NIBAN1: variants seen among roughly 807,000 people sequenced by gnomAD.
NIBAN1 encodes the protein niban apoptosis regulator 1.
In NIBAN1, 81 loss-of-function variants were observed where a neutral mutation model predicts 75.1. The ratio of observed to expected loss-of-function variants is 1.08; its 90% CI spans 0.90 to 1.30. The LOEUF (loss-of-function observed/expected upper bound fraction) is 1.30, where lower values mean the gene tolerates loss of function less well. Ranked by LOEUF, NIBAN1 falls within the 50% of genes most tolerant of loss-of-function variation. NIBAN1 has a pLI of 0.00. For missense variants in NIBAN1, 1,133 were observed against 1,128.1 expected (o/e 1.00, Z -0.06); for synonymous variants, 436 against 424.8 (o/e 1.03, Z -0.32).
chr1:184,827,668 T>C (rs542972175), intron 6 of NIBAN1, among the ~76,000 whole-genome samples: 2 of 149,168 alleles, frequency 1.3e-5, no homozygotes, highest in South Asian at 2.1e-4. Context: ...AAACTAAGCA[T>C]GTCACTAGGT....
At chr1:184,924,447 A>G (rs1246107422) in intron 1 of NIBAN1, among the ~76,000 whole-genome samples, 2 of 152,190 alleles carry the variant, frequency 1.3e-5, no homozygotes, top group African/African-American at 4.8e-5. Flanking sequence ...TCAATTTACT[A>G]GTATTTTGTT....
At chr1:184,818,112 T>G (rs1467598733) in intron 9 of NIBAN1, among the ~76,000 whole-genome samples, 2 of 152,236 alleles carry the variant, frequency 1.3e-5, no homozygotes, top group Admixed American at 6.5e-5. Flanking sequence ...ATTAAACTCC[T>G]TTAGATTTAA....
intron 1 of NIBAN1, among the ~76,000 whole-genome samples, chr1:184,905,720 A>G (rs1460990674): frequency 7.9e-5 from 12 of 152,184 alleles, no homozygotes; most frequent in Non-Finnish European, 1.5e-5. Context: ...TTCTCCCAAG[A>G]TTGTGTACCA....
At chr1:184,968,514 C>A (rs1658856692) in intron 1 of NIBAN1, among the ~76,000 whole-genome samples, 1 of 152,144 alleles carries the variant, frequency 6.6e-6, no homozygotes. Flanking sequence ...TCTCCTGTTT[C>A]CTCCATCCCC....
chr1:184,918,142 C>G (rs185067000), intron 1 of NIBAN1, among the ~76,000 whole-genome samples: 2 of 152,310 alleles, frequency 1.3e-5, no homozygotes, highest in African/African-American at 4.8e-5. Context: ...TCACCATCAC[C>G]TGGGTGCCTG....
chr1:184,853,496 C>G (rs1429883577), intron 5 of NIBAN1, among the ~76,000 whole-genome samples: 1 of 152,202 alleles, frequency 6.6e-6, no homozygotes, highest in Non-Finnish European at 1.5e-5. Flanking sequence ...TCAAATGAGT[C>G]TGATGTTCCA....
chr1:184,959,792 A>G (rs1658582151), intron 1 of NIBAN1, among the ~76,000 whole-genome samples: 1 of 152,220 alleles, frequency 6.6e-6, no homozygotes, highest in South Asian at 2.1e-4. Context: ...ACTCATATCT[A>G]TCATAAGGCC....
chr1:184,969,301 G>A (rs983057776), intron 1 of NIBAN1, among the ~76,000 whole-genome samples: 2 of 152,152 alleles, frequency 1.3e-5, no homozygotes, highest in Non-Finnish European at 2.9e-5. Context: ...AGCAAAGTTT[G>A]TCAGGGCTCT....
intron 1 of NIBAN1, among the ~76,000 whole-genome samples, chr1:184,936,566 A>C (rs536020795): frequency 4.5e-4 from 69 of 152,324 alleles, no homozygotes; most frequent in African/African-American, 1.5e-3. Flanking sequence ...TAGCAGGCCC[A>C]CCTGCCCTCT....
At chr1:184,860,874 C>T (rs1655798213) in intron 5 of NIBAN1, among the ~76,000 whole-genome samples, 1 of 152,184 alleles carries the variant, frequency 6.6e-6, no homozygotes, top group Admixed American at 6.6e-5. Flanking sequence ...AGTTTCTTGT[C>T]TGCTTAGAGT....
intron 1 of NIBAN1, among the ~76,000 whole-genome samples, chr1:184,949,192 GA>G (rs1426380531): frequency 6.6e-6 from 1 of 151,642 alleles, no homozygotes; most frequent in Admixed American, 6.6e-5. Flanking sequence ...TCTCTACTAA[GA>G]AAAAAATACA....
intron 5 of NIBAN1, among the ~76,000 whole-genome samples, chr1:184,862,147 C>T (rs1054360142): frequency 2.0e-5 from 3 of 152,092 alleles, no homozygotes; most frequent in African/African-American, 7.2e-5. Context: ...GCAGACCTTC[C>T]CTGGCACCTG....
intron 5 of NIBAN1, among the ~76,000 whole-genome samples, chr1:184,834,053 C>T (rs1655072526): frequency 6.6e-6 from 1 of 151,384 alleles, no homozygotes; most frequent in Admixed American, 6.6e-5. Context: ...GTTCCCCACC[C>T]TGTGTGCAAG....
At chr1:184,822,945 A>C (rs751750376) in intron 8 of NIBAN1, among the ~76,000 whole-genome samples, 2 of 151,866 alleles carry the variant, frequency 1.3e-5, no homozygotes, top group Non-Finnish European at 2.9e-5. Flanking sequence ...GGCACTGCCA[A>C]AGGCAAGAAA....
chr1:184,831,890 C>A lies in NIBAN1; in HGVS notation c.674G>T (p.Gly225Val). 8.1e-6 allele frequency: 13 copies of A among 1,614,140 alleles called. No individual in the cohort carries two copies. Among genetic ancestry groups the A allele is most frequent in the Non-Finnish European group, 1.1e-5 (13 of 1,179,994 alleles). Residue 225 changes from glycine (G) to valine (V), a missense_variant, in exon 6 of 14, where the codon GGT becomes GTT. Physicochemically the swap from Gly to Val is moderately radical, Grantham distance 109. Transcript: ENST00000367511. ...EAVQFFRQEK[G>V]HYGSWEMITG... ...GATCATTTCCCAGGAACCATAGTGA[C>A]CCTTCTCCTGTCGGAAGAATTGCAC...
intron 6 of NIBAN1, among the ~76,000 whole-genome samples, chr1:184,824,776 A>T (rs966088339): frequency 5.9e-5 from 9 of 151,880 alleles, no homozygotes; most frequent in African/African-American, 2.2e-4. Context: ...AGAACATTTC[A>T]TTTTTTCGGG....
intron 5 of NIBAN1, among the ~76,000 whole-genome samples, chr1:184,863,570 C>T (rs1246759736): frequency 6.6e-6 from 1 of 152,190 alleles, no homozygotes; most frequent in Non-Finnish European, 1.5e-5. Flanking sequence ...CCTACATTTA[C>T]AAGAGACACT....
In NIBAN1 at chr1:184,805,958, G is replaced by A. The variant is rs778520957; in HGVS notation, c.1434C>T (p.Leu478=). The stretch of plus-strand genomic sequence containing the variant: ...AGAACGGTTTTACCTTTAAGACTCG[G>A]AGTTTAACCTTCTCAATGGCAACTG... ...KTAVAIEKVK[L]RVLKQYDYDS... is the part of the protein sequence containing the mutation. Residue 478 remains leucine, a synonymous_variant, in exon 11 of 14, where the codon CTC becomes CTT. Transcript: ENST00000367511. 5.6e-6 allele frequency: 9 copies of A among 1,613,560 alleles called. No individual in the cohort carries two copies. In the South Asian group the frequency reaches 9.9e-5, roughly 18 times the overall value.
intron 5 of NIBAN1, among the ~76,000 whole-genome samples, chr1:184,881,571 T>C (rs552556595): frequency 6.6e-6 from 1 of 152,124 alleles, no homozygotes; most frequent in Non-Finnish European, 1.5e-5. Flanking sequence ...GAGTGCACAG[T>C]GCAAAGGGAA....
Sources: allele counts gnomAD v4.1 joint callset (sites outside exome capture counted in the v4.1 genomes callset), GRCh38; gene constraint gnomAD v4.1.1; transcripts MANE v1.5; gene names NCBI Gene and HGNC (gene_info 2026-07-23, HGNC 2026-07-21).